Variants in KCNH3 observed in about 807,000 individuals in gnomAD.
KCNH3 encodes the protein potassium voltage-gated channel subfamily H member 3, also known as voltage-gated inwardly rectifying potassium channel KCNH3.
Under a neutral mutation model 95.6 loss-of-function variants are expected in KCNH3, and 36 were observed. That is an observed-to-expected ratio of 0.38 (90% CI 0.29 to 0.50). The LOEUF is 0.50. Ranked by LOEUF, KCNH3 falls within the 20% of genes least tolerant of loss-of-function variation. The probability of loss-of-function intolerance (pLI) is 0.95; values close to 1 mark genes in which losing one functional copy is unlikely to be tolerated. For synonymous variants in KCNH3, 620 were observed against 646.3 expected (o/e 0.96, Z 0.62); for missense variants, 1,030 against 1,484.1 (o/e 0.69, Z 5.03).
chr12:49,544,489 C>A (rs751405337), intron 7 of KCNH3, 107 bp downstream of exon 7: 2 of 1,114,800 alleles, frequency 1.8e-6, no homozygotes, highest in Admixed American at 1.8e-5. Flanking sequence ...CAAGTCTGCA[C>A]GTGTGCAAAT....
In KCNH3 at chr12:49,548,980, G is replaced by C; in HGVS notation, c.1275G>C (p.Gln425His). 6.2e-7 allele frequency: 1 copy of C among 1,610,796 alleles called. No individual in the cohort carries two copies. Among genetic ancestry groups the C allele is most frequent in the South Asian group, 1.1e-5 (1 of 90,938 alleles). Residue 425 changes from glutamine to histidine, a missense_variant, in exon 8 of 15, where the codon CAG (glutamine) becomes CAC (histidine). By Grantham distance (24) the Gln-to-His change is conservative. Around this residue, in one of 9 missense-constraint regions of KCNH3, gnomAD observed 50 missense variants for 41.0 expected, o/e 1.22. Transcript: ENST00000257981. ...CAGCTGGAGGGAACAGCTCCGGCCA[G>C]AGTGACAACTGCAGCAGCAGCAGCG... ...RRPAGGNSSG[Q>H]SDNCSSSSEA... is the part of the protein sequence containing the mutation.
chr12:49,549,925 A>G (rs1938201482), intron 9 of KCNH3, among the ~76,000 whole-genome samples, 155 bp from the exon 10 acceptor site: 1 of 152,068 alleles, frequency 6.6e-6, no homozygotes, highest in Admixed American at 6.5e-5. Context: ...CCTCGCTGCC[A>G]CCCTGTGTGG....
intron 1 of KCNH3, among the ~76,000 whole-genome samples, chr12:49,540,145 C>G (rs1349869103): frequency 6.6e-6 from 1 of 152,158 alleles, no homozygotes; most frequent in Non-Finnish European, 1.5e-5. Context: ...TCCTCCTCTC[C>G]CTCACATCCC....
rs117074918 is a variant in KCNH3 at position 49,554,131 on chromosome 12, C to T, written c.1919-206C>T. On this transcript the variant is annotated intron_variant, in intron 10 of 14. Transcript: ENST00000257981. ...GGGCCTGGGTCACAGAGCTCTTTAC[C>T]CCAAGCCCATGTGGGAGCCAGTGAG... is the stretch of plus-strand genomic sequence containing the variant. Among the ~76,000 whole-genome samples the T allele has an allele frequency of 3.0e-4, 46 of 152,320 alleles. No individual in the cohort carries two copies. The East Asian group carries it at 8.5e-3, about 28-fold the overall frequency.
At position 49,543,184 on chromosome 12, in the gene KCNH3, A is replaced by G. The variant is rs1432572475; in HGVS notation, c.580-91A>G. On this transcript the variant is annotated intron_variant, in intron 4 of 14. Transcript: ENST00000257981. ...GCTGCTTCGATAATGCAGGGATAGA[A>G]AGGAGGTGGATGCGGGTCCCAGACT... 12 of 1,373,834 alleles carry G rather than the reference A, an allele frequency of 8.7e-6. No homozygotes were observed. In the East Asian group the frequency reaches 1.0e-4, roughly 11 times the overall value. The allele number at this position is 1,373,834 out of a possible 1,614,324, so 85.1% of individuals were successfully genotyped here.
chr12:49,556,015 G>A (rs889455579), intron 12 of KCNH3, 64 bp downstream of exon 12: 14 of 788,952 alleles, frequency 1.8e-5, no homozygotes, highest in Admixed American at 7.1e-5. Flanking sequence ...CTGGGCAGGC[G>A]CACCCTGCCC....
intron 8 of KCNH3, 122 bp downstream of exon 8, chr12:49,549,295 C>A: frequency 1.4e-6 from 2 of 1,460,658 alleles, no homozygotes; most frequent in Non-Finnish European, 1.8e-6. Flanking sequence ...GCCGCGGAAC[C>A]CGAGGCCGGG....
In KCNH3 at chr12:49,555,793, A is replaced by C. The variant is rs897707663; in HGVS notation, c.2310A>C (p.Pro770=). Residue 770 remains proline, a synonymous_variant, in exon 12 of 15, where the codon CCA becomes CCC. Coordinates refer to ENST00000257981, the MANE Select transcript of KCNH3 (RefSeq NM_012284.3). The part of the protein sequence containing the change: ...SSSSAAKLLS[P]RRTAPRPRLG... ...CCTCAGCTGCCAAGCTGCTATCCCCACGTCGAACAGCACCCCGGCCTCGTC... is the reference window on the plus strand; with the variant it reads ...CCTCAGCTGCCAAGCTGCTATCCCCCCGTCGAACAGCACCCCGGCCTCGTC... 1 of 1,613,452 alleles carries C rather than the reference A, an allele frequency of 6.2e-7. No homozygotes were observed. The highest frequency in any genetic ancestry group is 8.5e-7 in the Non-Finnish European group (1 of 1,179,866).
At chr12:49,542,907 G>T in intron 4 of KCNH3, 68 bp downstream of exon 4, 1 of 1,558,064 alleles carries the variant, frequency 6.4e-7, no homozygotes, top group South Asian at 1.2e-5. Flanking sequence ...AGGGGAACCT[G>T]ATCTACCACA....
At chr12:49,546,091 C>T (rs1683099489) in intron 7 of KCNH3, 1 of 152,142 alleles carries the variant, frequency 6.6e-6, no homozygotes, top group Non-Finnish European at 1.5e-5. Flanking sequence ...ACCCAGACAC[C>T]CTTGGTCTTG....
At position 49,539,493 on chromosome 12, in the gene KCNH3, G is replaced by T; in HGVS notation, c.76+1G>T. On this transcript the variant is annotated splice_donor_variant, in intron 1 of 14. Transcript: ENST00000257981. LOFTEE classifies it high-confidence loss of function. This position sits in a 1 kb window ranked among gnomAD's most constrained non-coding sequence, Gnocchi z 6.7. ...ATCGCTACGCGCTTCGACGGCACGC[G>T]TGAGTCCGACCCTCGCCCACTTGCA... The T allele has an allele frequency of 6.3e-7, 1 of 1,587,672 alleles. No individual in the cohort carries two copies. Among genetic ancestry groups the T allele is most frequent in the Non-Finnish European group, 8.6e-7 (1 of 1,169,010 alleles).
chr12:49,539,364 C>T lies in KCNH3; in HGVS notation c.-53C>T, dbSNP rs1276168427. Reference sequence around the variant, plus strand: ...GGCCGAGCTGGGCGCCCTCCCCCGGCGCGGAGTCCCCGCACCCCGGAGGGA... The same window carrying T: ...GGCCGAGCTGGGCGCCCTCCCCCGGTGCGGAGTCCCCGCACCCCGGAGGGA... On this transcript the variant is annotated 5_prime_UTR_variant, in exon 1 of 15. Coordinates refer to ENST00000257981, the MANE Select transcript of KCNH3 (RefSeq NM_012284.3). This position sits in a 1 kb window ranked among gnomAD's most constrained non-coding sequence, Gnocchi z 6.7. The T allele has an allele frequency of 8.1e-7, 1 of 1,232,432 alleles. No individual in the cohort carries two copies. The allele number at this position is 1,232,432 out of a possible 1,614,324, so 76.3% of individuals were successfully genotyped here.
chr12:49,557,179 A>T lies in KCNH3; in HGVS notation c.2576-4A>T, dbSNP rs1357554857. ...AGCTGATAACCCCATCCTACTACCC[A>T]CAGAGAGCGGCCTGCTCACTGTTCC... On this transcript the variant is annotated splice_region_variant and splice_polypyrimidine_tract_variant and intron_variant, in intron 13 of 14. Coordinates refer to ENST00000257981, the MANE Select transcript of KCNH3 (RefSeq NM_012284.3). 1.9e-6 allele frequency: 3 copies of T among 1,613,664 alleles called. No homozygotes were observed. In the African/African-American group the frequency reaches 4.0e-5, roughly 22 times the overall value.
intron 5 of KCNH3, 197 bp from the exon 6 acceptor site, chr12:49,543,718 C>A: frequency 9.8e-7 from 1 of 1,018,574 alleles, no homozygotes; most frequent in Non-Finnish European, 1.4e-6. Context: ...CAAAGCCTCT[C>A]TGAGCCTCCA....
intron 7 of KCNH3, among the ~76,000 whole-genome samples, chr12:49,548,631 G>A (rs369077613): frequency 8.5e-5 from 13 of 152,162 alleles, no homozygotes; most frequent in Admixed American, 5.9e-4. Context: ...GACTGGGCCC[G>A]TTACCTGGGA....
At chr12:49,551,574 C>CAAAAAAA (rs59344956) in intron 10 of KCNH3, among the ~76,000 whole-genome samples, 38 of 57,508 alleles carry the variant, frequency 6.6e-4, no homozygotes, top group African/African-American at 1.2e-3. Flanking sequence ...GACTCTGTCT[C>CAAAAAAA]AAAAAAAAAA....
intron 11 of KCNH3, among the ~76,000 whole-genome samples, 192 bp downstream of exon 11, chr12:49,554,746 C>T (rs1289248646): frequency 6.6e-6 from 1 of 152,208 alleles, no homozygotes; most frequent in African/African-American, 2.4e-5. Context: ...GCAGCCACCC[C>T]TGCCAGCTCT....
intron 10 of KCNH3, 58 bp from the exon 11 acceptor site, chr12:49,554,279 C>A (rs192389894): frequency 6.2e-5 from 87 of 1,411,126 alleles, no homozygotes; most frequent in Non-Finnish European, 8.1e-5. Flanking sequence ...GCAGCCCCCT[C>A]TTCTCTCCTC....
At chr12:49,544,640 T>G (rs1937998512) in intron 7 of KCNH3, among the ~76,000 whole-genome samples, 1 of 152,018 alleles carries the variant, frequency 6.6e-6, no homozygotes, top group Non-Finnish European at 1.5e-5. Flanking sequence ...GTTGGTCACA[T>G]TCCTTAAACC....
Sources: gnomAD v4.1 joint callset for allele counts (sites outside exome capture counted in the v4.1 genomes callset) on GRCh38, gnomAD v4.1.1 for gene constraint, gnomAD v4.1.1 regional missense constraint, Gnocchi (gnomAD v3.1) non-coding constraint, MANE v1.5 for transcripts, NCBI Gene and HGNC (gene_info 2026-07-23, HGNC 2026-07-21) for gene names.